DYNC2H1: variants seen among roughly 807,000 people sequenced by gnomAD.
The protein encoded by DYNC2H1 is cytoplasmic dynein 2 heavy chain 1.
DYNC2H1 carries 410 observed loss-of-function variants against 570.0 expected under a neutral mutation model. That is an observed-to-expected ratio of 0.72 (90% confidence interval 0.66 to 0.78). DYNC2H1 has a LOEUF of 0.78. Among genes scored for constraint, DYNC2H1 ranks in the 30% least tolerant of loss-of-function variants. DYNC2H1 has a pLI of 0.00. For missense variants in DYNC2H1, 4,865 were observed against 5,046.4 expected (o/e 0.96, Z 1.09); for synonymous variants, 1,688 against 1,677.6 (o/e 1.01, Z -0.15).
At chr11:103,223,906 C>G (rs190598733) in intron 59 of DYNC2H1, among the ~76,000 whole-genome samples, 102 of 152,072 alleles carry the variant, frequency 6.7e-4, no homozygotes, top group African/African-American at 2.3e-3. Context: ...TGCCACCACA[C>G]CTGGCTAATT....
Position 103,446,632 on chromosome 11 carries a change from A to G in DYNC2H1, c.12457-8554A>G, listed in dbSNP as rs1479990754. Among the ~76,000 whole-genome samples the G allele has an allele frequency of 2.6e-5, 4 of 152,164 alleles. No individual in the cohort carries two copies. The highest frequency in any genetic ancestry group is 6.5e-5 in the Admixed American group (1 of 15,278). On this transcript the variant is annotated intron_variant, in intron 85 of 88. Coordinates refer to ENST00000375735, the MANE Select transcript of DYNC2H1 (RefSeq NM_001377.3). This position sits in a 1 kb window ranked among gnomAD's most constrained non-coding sequence, Gnocchi z 4.5. ...TGAAGTAACACAGATGAATAGAGTGAGACTGACAGGGAGAAGAGCCAAAGG... is the reference window on the plus strand; with the variant it reads ...TGAAGTAACACAGATGAATAGAGTGGGACTGACAGGGAGAAGAGCCAAAGG...
At chr11:103,384,561 A>G (rs559843597) in intron 83 of DYNC2H1, among the ~76,000 whole-genome samples, 1 of 151,946 alleles carries the variant, frequency 6.6e-6, no homozygotes, top group South Asian at 2.1e-4. Context: ...TCTTTTTCCT[A>G]GTTTACAACT....
chr11:103,232,299 C>T (rs1864044766), intron 60 of DYNC2H1, among the ~76,000 whole-genome samples: 1 of 151,650 alleles, frequency 6.6e-6, no homozygotes, highest in Admixed American at 6.6e-5. Flanking sequence ...TTCTATTTAG[C>T]AGATTAGGAA....
At position 103,176,361 on chromosome 11, in the gene DYNC2H1, T is replaced by G; in HGVS notation, c.5801T>G (p.Val1934Gly). The G allele has an allele frequency of 1.9e-6, 3 of 1,593,500 alleles. No individual in the cohort carries two copies. Among genetic ancestry groups the G allele is most frequent in the Non-Finnish European group, 2.6e-6 (3 of 1,169,990 alleles). ...DVFPGIELKE[V>G]EYDELSAALK... ...TTTCCGGGAATTGAATTGAAAGAAG[T>G]GGAATATGATGAACTAAGTGCTGCA... Residue 1934 changes from valine to glycine, a missense_variant, in exon 37 of 89, where the codon GTG becomes GGG. By Grantham distance (109) the Val-to-Gly change is moderately radical (BLOSUM62 -3). Coordinates refer to ENST00000375735, the MANE Select transcript of DYNC2H1 (RefSeq NM_001377.3).
At chr11:103,155,230 T>G in intron 24 of DYNC2H1, 101 bp from the exon 25 acceptor site, 1 of 1,097,816 alleles carries the variant, frequency 9.1e-7, no homozygotes. Flanking sequence ...ATAATTAAAA[T>G]TTTGGTAACT....
intron 83 of DYNC2H1, among the ~76,000 whole-genome samples, chr11:103,399,345 G>A (rs1334235960): frequency 6.8e-6 from 1 of 147,316 alleles, no homozygotes. Context: ...TAGTAGAGGC[G>A]GGGTTTCACC....
intron 82 of DYNC2H1, among the ~76,000 whole-genome samples, chr11:103,351,625 A>G (rs986359871): frequency 1.3e-5 from 2 of 152,142 alleles, no homozygotes; most frequent in African/African-American, 4.8e-5. Context: ...TATGTGATGA[A>G]ATATAGTTTC....
intron 54 of DYNC2H1, 71 bp downstream of exon 54, chr11:103,212,014 A>G: frequency 1.5e-6 from 2 of 1,322,750 alleles, no homozygotes; most frequent in Non-Finnish European, 1.9e-6. Context: ...TCACAATGCT[A>G]TGTTGCGGGT....
rs559122529 is a variant in DYNC2H1 at position 103,299,638 on chromosome 11, G to T, written c.11096-3455G>T. ...CATATCACTCCTGTTTCTCTTTTCT[G>T]CTACACTTCTTTGACTCTAACAAGA... is the stretch of plus-strand genomic sequence containing the variant. On this transcript the variant is annotated intron_variant, in intron 75 of 88. Coordinates refer to ENST00000375735, the MANE Select transcript of DYNC2H1 (RefSeq NM_001377.3). The surrounding 1 kb of genome is among the most constrained non-coding windows in gnomAD (Gnocchi z 4.5). 3.7e-4 allele frequency among the ~76,000 whole-genome samples: 57 copies of T among 152,144 alleles called. No homozygotes were observed. In the South Asian group the frequency reaches 8.5e-3, roughly 23 times the overall value.
intron 11 of DYNC2H1, among the ~76,000 whole-genome samples, chr11:103,124,643 A>C (rs1218208976): frequency 6.6e-6 from 1 of 152,132 alleles, no homozygotes; most frequent in Non-Finnish European, 1.5e-5. Flanking sequence ...AGTGAAACAA[A>C]GGGTAGAAGA....
At chr11:103,134,024 CT>C in intron 14 of DYNC2H1, among the ~76,000 whole-genome samples, 1 of 151,992 alleles carries the variant, frequency 6.6e-6, no homozygotes, top group African/African-American at 2.4e-5. Context: ...CCTCCTCAGT[CT>C]TTTCCTTGTT....
At chr11:103,282,251 T>C (rs779577888) in intron 72 of DYNC2H1, 22 bp downstream of exon 72, 8 of 1,603,746 alleles carry the variant, frequency 5.0e-6, no homozygotes, top group East Asian at 4.5e-5. Context: ...TAACAAAATC[T>C]ATTTTGCTCT....
In DYNC2H1 at chr11:103,170,195, A is replaced by G. The variant is rs764730553; in HGVS notation, c.5056A>G (p.Asn1686Asp). Residue 1686 changes from asparagine to aspartate, a missense_variant, in exon 33 of 89, where the codon AAT (asparagine) becomes GAT (aspartate). Physicochemically the swap from Asn to Asp is conservative, Grantham distance 23. Transcript: ENST00000375735. This position sits in a 1 kb window ranked among gnomAD's most constrained non-coding sequence, Gnocchi z 4.8. ...TQAMKMGLGGNPYGPAGTGKT... is the reference protein window; with the variant it reads ...TQAMKMGLGGDPYGPAGTGKT... The stretch of plus-strand genomic sequence containing the variant: ...AGCCATGAAGATGGGACTTGGAGGA[A>G]ATCCTTATGGACCAGCTGGAACTGG... 1 of 1,613,112 alleles carries G rather than the reference A, an allele frequency of 6.2e-7. No homozygotes were observed. Among genetic ancestry groups the G allele is most frequent in the Non-Finnish European group, 8.5e-7 (1 of 1,179,462 alleles).
Position 103,280,842 on chromosome 11 carries a change from G to T in DYNC2H1, c.10761+429G>T, listed in dbSNP as rs997584369. Among the ~76,000 whole-genome samples, 1 of 152,040 alleles carries T rather than the reference G, an allele frequency of 6.6e-6. No individual in the cohort carries two copies. Among genetic ancestry groups the T allele is most frequent in the Non-Finnish European group, 1.5e-5 (1 of 67,948 alleles). ...ATGGGCAGTTCTCAGAAGTTTTCCT[G>T]AACCTACAGGTTTATGTTAATTTTT... On this transcript the variant is annotated intron_variant, in intron 71 of 88. Transcript: ENST00000375735. The surrounding 1 kb of genome is among the most constrained non-coding windows in gnomAD (Gnocchi z 4.7).
rs1867611716 is a variant in DYNC2H1 at position 103,312,004 on chromosome 11, T to C, written c.11620T>C (p.Cys3874Arg). 6.2e-7 allele frequency: 1 copy of C among 1,612,128 alleles called. No individual in the cohort carries two copies. The highest frequency in any genetic ancestry group is 8.5e-7 in the Non-Finnish European group (1 of 1,179,418). Residue 3874 changes from cysteine (C) to arginine (R), a missense_variant, in exon 79 of 89, where the codon TGT becomes CGT. Physicochemically the swap from Cys to Arg is radical, Grantham distance 180. Transcript: ENST00000375735. The stretch of plus-strand genomic sequence containing the variant: ...CAGTCTTGCATGGTTTCATGCTGCA[T>C]GTCAAGAAAGAAGAAACTATATTCC... ...LFSLAWFHAA[C>R]QERRNYIPQG...
intron 13 of DYNC2H1, among the ~76,000 whole-genome samples, chr11:103,130,459 G>T (rs1009870025): frequency 6.6e-6 from 1 of 152,112 alleles, no homozygotes; most frequent in African/African-American, 2.4e-5. Context: ...TATTATAGAT[G>T]TTATTAAAAG....
chr11:103,174,200 T>A, intron 36 of DYNC2H1, 30 bp downstream of exon 36: 2 of 1,484,438 alleles, frequency 1.3e-6, no homozygotes, highest in Non-Finnish European at 1.8e-6. Flanking sequence ...ATACATTAAC[T>A]TATTTTTAAA....
At chr11:103,464,306 AACTAT>A (rs1252759163) in intron 87 of DYNC2H1, among the ~76,000 whole-genome samples, 2 of 152,048 alleles carry the variant, frequency 1.3e-5, no homozygotes, top group Non-Finnish European at 2.9e-5. Flanking sequence ...TTGATAGACA[AACTAT>A]ACATTAGATA....
At chr11:103,208,564 T>C (rs1479420140) in intron 52 of DYNC2H1, among the ~76,000 whole-genome samples, 1 of 152,006 alleles carries the variant, frequency 6.6e-6, no homozygotes, top group South Asian at 2.1e-4. Context: ...AACATTGTAG[T>C]GGGAAATATC....
Sources: gnomAD v4.1 joint callset for allele counts (sites outside exome capture counted in the v4.1 genomes callset) on GRCh38, gnomAD v4.1.1 for gene constraint, Gnocchi (gnomAD v3.1) non-coding constraint, MANE v1.5 for transcripts, NCBI Gene and HGNC (gene_info 2026-07-23, HGNC 2026-07-21) for gene names.